Variants in SNX30 observed in about 807,000 individuals in gnomAD.
The protein encoded by SNX30 is sorting nexin family member 30.
SNX30 carries 24 observed loss-of-function variants against 46.4 expected under a neutral mutation model. That is an observed-to-expected ratio of 0.52 (90% CI 0.37 to 0.73). The LOEUF (loss-of-function observed/expected upper bound fraction) is 0.73, where lower values mean the gene tolerates loss of function less well. Among genes scored for constraint, SNX30 ranks in the 30% least tolerant of loss-of-function variants. The pLI, the probability that SNX30 is intolerant of heterozygous loss-of-function variation, is 0.00. For synonymous variants in SNX30, 189 were observed against 211.5 expected, an observed-to-expected ratio of 0.89 and a Z score of 0.92; for missense variants, 533 against 555.7, an observed-to-expected ratio of 0.96 and a Z score of 0.41.
chr9:112,768,933 G>C (rs1011657456), intron 1 of SNX30, among the ~76,000 whole-genome samples: 1 of 152,064 alleles, frequency 6.6e-6, no homozygotes, highest in Non-Finnish European at 1.5e-5. Flanking sequence ...GGGACTACAG[G>C]CGTGAGCCAC....
At chr9:112,827,895 T>A (rs951987141) in intron 3 of SNX30, among the ~76,000 whole-genome samples, 3 of 152,182 alleles carry the variant, frequency 2.0e-5, no homozygotes, top group African/African-American at 7.2e-5. Context: ...TTGGCCAACG[T>A]TGTCTTGGTT....
intron 1 of SNX30, among the ~76,000 whole-genome samples, chr9:112,767,761 T>TTTA (rs1839570221): frequency 1.3e-5 from 2 of 151,586 alleles, no homozygotes; most frequent in Admixed American, 6.6e-5. Flanking sequence ...AGCTAATTTT[T>TTTA]TTTATTTATT....
chr9:112,866,111 C>T (rs189702756), intron 8 of SNX30, among the ~76,000 whole-genome samples: 7 of 152,260 alleles, frequency 4.6e-5, no homozygotes, highest in Admixed American at 2.0e-4. Context: ...GCTTTTTGTG[C>T]ACTTGCTGTG....
intron 6 of SNX30, among the ~76,000 whole-genome samples, chr9:112,840,619 G>A (rs1476511787): frequency 6.6e-6 from 1 of 151,962 alleles, no homozygotes; most frequent in Admixed American, 6.6e-5. Context: ...CCGAGTAGCT[G>A]GGATTACAGG....
intron 1 of SNX30, among the ~76,000 whole-genome samples, chr9:112,762,145 C>T (rs971704264): frequency 6.6e-6 from 1 of 152,052 alleles, no homozygotes; most frequent in Non-Finnish European, 1.5e-5. Context: ...CATATGCTGT[C>T]TTATGTCTGC....
At chr9:112,856,793 C>T (rs2131492933) in intron 7 of SNX30, 1 of 152,302 alleles carries the variant, frequency 6.6e-6, no homozygotes, top group East Asian at 1.9e-4. Flanking sequence ...GTTTCCAGAC[C>T]CTTCTGGCAA....
At chr9:112,865,658 T>TAC in intron 8 of SNX30, among the ~76,000 whole-genome samples, 1 of 133,054 alleles carries the variant, frequency 7.5e-6, no homozygotes, top group Non-Finnish European at 1.6e-5. Flanking sequence ...TATATATATA[T>TAC]ATATGTATGT....
At chr9:112,824,728 C>G (rs1055353668) in intron 3 of SNX30, among the ~76,000 whole-genome samples, 2 of 152,130 alleles carry the variant, frequency 1.3e-5, no homozygotes. Flanking sequence ...GGCTCATGGC[C>G]TCTTTATTTT....
At position 112,804,509 on chromosome 9, in the gene SNX30, C is replaced by T. The variant is rs1480297069; in HGVS notation, c.157-267C>T. ...TGGTGGGGCCATTATGTTCTCTGCC[C>T]TTGAACTGCTTACTTATATTGGTTT... On this transcript the variant is annotated intron_variant, in intron 1 of 8. Transcript: ENST00000374232. Among the ~76,000 whole-genome samples the T allele has an allele frequency of 2.0e-5, 3 of 152,286 alleles. No individual in the cohort carries two copies. The East Asian group carries it at 5.8e-4, about 29-fold the overall frequency.
At chr9:112,852,015 T>C (rs753871149) in intron 7 of SNX30, among the ~76,000 whole-genome samples, 45 of 152,248 alleles carry the variant, frequency 3.0e-4, no homozygotes, top group Non-Finnish European at 5.4e-4. Flanking sequence ...TAAATCATCC[T>C]ATGTCATCCC....
intron 6 of SNX30, among the ~76,000 whole-genome samples, chr9:112,843,655 C>G (rs990002498): frequency 8.8e-6 from 1 of 113,938 alleles, no homozygotes; most frequent in African/African-American, 3.3e-5. Context: ...TAGACAGAGT[C>G]TCACTCTGTT....
intron 2 of SNX30, among the ~76,000 whole-genome samples, chr9:112,809,056 A>G (rs1346177292): frequency 1.3e-5 from 2 of 151,710 alleles, no homozygotes; most frequent in African/African-American, 4.8e-5. Flanking sequence ...GATAATAAAT[A>G]TTAATAATCT....
chr9:112,778,336 G>A lies in SNX30; in HGVS notation c.157-26440G>A, dbSNP rs139132520. On this transcript the variant is annotated intron_variant, in intron 1 of 8. Coordinates refer to ENST00000374232, the MANE Select transcript of SNX30 (RefSeq NM_001012994.2). ...CACCCGGGCTGGAGTACAGTGGTGCGATCCCGGCTCACTGCAACCTACGCC... is the reference window on the plus strand; with the variant it reads ...CACCCGGGCTGGAGTACAGTGGTGCAATCCCGGCTCACTGCAACCTACGCC... 7.9e-3 allele frequency among the ~76,000 whole-genome samples: 1,168 copies of A among 148,164 alleles called. 11 individuals carry two copies. Among genetic ancestry groups the A allele is most frequent in the African/African-American group, 0.028 (1,106 of 40,202 alleles).
At chr9:112,854,947 C>A (rs1479253441) in intron 7 of SNX30, among the ~76,000 whole-genome samples, 1 of 152,238 alleles carries the variant, frequency 6.6e-6, no homozygotes, top group Non-Finnish European at 1.5e-5. Flanking sequence ...CGTGTCCACA[C>A]TGGCTGCAGT....
At position 112,839,543 on chromosome 9, in the gene SNX30, G is replaced by A. The variant is rs544984747; in HGVS notation, c.1014+846G>A. Among the ~76,000 whole-genome samples the A allele has an allele frequency of 4.0e-4, 61 of 152,296 alleles. No homozygotes were observed. In the East Asian group the frequency reaches 4.0e-3, roughly 10 times the overall value. On this transcript the variant is annotated intron_variant, in intron 6 of 8. Coordinates refer to ENST00000374232, the MANE Select transcript of SNX30 (RefSeq NM_001012994.2). Reference sequence around the variant, plus strand: ...CGGAGTAGAGTGCAGGAGGAAATGCGCCAGTGCCCACACTGGAAACTTCCC... The same window carrying A: ...CGGAGTAGAGTGCAGGAGGAAATGCACCAGTGCCCACACTGGAAACTTCCC...
chr9:112,755,723 C>T (rs1383915096), intron 1 of SNX30, among the ~76,000 whole-genome samples: 1 of 151,806 alleles, frequency 6.6e-6, no homozygotes, highest in Non-Finnish European at 1.5e-5. Flanking sequence ...GGTATTTTGG[C>T]TTCAGGGATG....
At chr9:112,811,233 A>C (rs1437000531) in intron 2 of SNX30, among the ~76,000 whole-genome samples, 1 of 152,160 alleles carries the variant, frequency 6.6e-6, no homozygotes, top group African/African-American at 2.4e-5. Flanking sequence ...GAATGGGACT[A>C]GCTGGTTTTT....
chr9:112,849,514 G>A (rs948764854), intron 6 of SNX30, among the ~76,000 whole-genome samples: 3 of 152,202 alleles, frequency 2.0e-5, no homozygotes, highest in African/African-American at 7.2e-5. Context: ...CCTACTCAAA[G>A]ATGAATGAGT....
Position 112,751,006 on chromosome 9 carries a change from C to T in SNX30, c.5C>T (p.Ala2Val), listed in dbSNP as rs1839265225. 1 of 1,281,900 alleles carries T rather than the reference C, an allele frequency of 7.8e-7. No individual in the cohort carries two copies. The allele number at this position is 1,281,900 out of a possible 1,614,324, so 79.4% of individuals were successfully genotyped here. Residue 2 changes from alanine to valine, a missense_variant, in exon 1 of 9, where the codon GCG (alanine) becomes GTG (valine). By Grantham distance (64) the Ala-to-Val change is moderately conservative. Transcript: ENST00000374232. ...GCGTCCCGAGCGGTGCGCGCCATGG[C>T]GGGCGGGCCCCCCAAGGCCCTGCCG... is the stretch of plus-strand genomic sequence containing the variant. The part of the protein sequence containing the change: M[A>V]GGPPKALPST...
Sources: gnomAD v4.1 joint callset for allele counts (sites outside exome capture counted in the v4.1 genomes callset) on GRCh38, gnomAD v4.1.1 for gene constraint, MANE v1.5 for transcripts, NCBI Gene and HGNC (gene_info 2026-07-23, HGNC 2026-07-21) for gene names.